RFX3: variants seen among roughly 807,000 people sequenced by gnomAD.
RFX3 encodes the protein transcription factor RFX3.
RFX3 carries 14 observed loss-of-function variants against 98.6 expected under a neutral mutation model. The observed-to-expected ratio is 0.14, with a 90% CI of 0.09 to 0.22. The LOEUF (loss-of-function observed/expected upper bound fraction) is 0.22, where lower values mean the gene tolerates loss of function less well. Among genes scored for constraint, RFX3 ranks in the 10% least tolerant of loss-of-function variants. The pLI is 1.00. For synonymous variants in RFX3, 383 were observed against 328.4 expected (o/e 1.17, Z -1.80); for missense variants, 639 against 926.9 (o/e 0.69, Z 4.03).
chr9:3,270,125 A>C (rs895826589), intron 11 of RFX3, among the ~76,000 whole-genome samples: 6 of 122,366 alleles, frequency 4.9e-5, no homozygotes, highest in Non-Finnish European at 9.8e-5. Context: ...AAAGAAAGAA[A>C]GGAAAGAAAG....
chr9:3,328,113 T>C (rs1041779656), intron 4 of RFX3, among the ~76,000 whole-genome samples: 4 of 152,068 alleles, frequency 2.6e-5, no homozygotes, highest in Non-Finnish European at 5.9e-5. Flanking sequence ...TTTCGAAGGA[T>C]GGTAGGTTAG....
intron 2 of RFX3, among the ~76,000 whole-genome samples, chr9:3,359,728 G>A (rs1355496572): frequency 6.6e-6 from 1 of 152,066 alleles, no homozygotes; most frequent in Non-Finnish European, 1.5e-5. Flanking sequence ...AAATGGGGAT[G>A]TGTATTTTTT....
chr9:3,522,611 C>T (rs569871201), intron 1 of RFX3, among the ~76,000 whole-genome samples: 1 of 150,898 alleles, frequency 6.6e-6, no homozygotes, highest in African/African-American at 2.4e-5. Flanking sequence ...ACATCTGCTG[C>T]TATGCCCACC....
chr9:3,370,514 G>A (rs550427114), intron 2 of RFX3, among the ~76,000 whole-genome samples: 1 of 151,602 alleles, frequency 6.6e-6, no homozygotes, highest in Non-Finnish European at 1.5e-5. Context: ...TATATAATCT[G>A]TGAATCAGAA....
At chr9:3,471,710 C>G (rs1033173649) in intron 1 of RFX3, among the ~76,000 whole-genome samples, 1 of 152,200 alleles carries the variant, frequency 6.6e-6, no homozygotes, top group Non-Finnish European at 1.5e-5. Flanking sequence ...TAGAAAAAAT[C>G]CTCCTTAAAT....
At chr9:3,228,966 A>T in intron 15 of RFX3, 77 bp from the exon 16 acceptor site, 1 of 1,253,434 alleles carries the variant, frequency 8.0e-7, no homozygotes, top group South Asian at 1.4e-5. Context: ...TGTAGTAAAA[A>T]TGCCAATCTA....
At chr9:3,445,085 T>A (rs991243418) in intron 1 of RFX3, among the ~76,000 whole-genome samples, 2 of 152,216 alleles carry the variant, frequency 1.3e-5, no homozygotes, top group African/African-American at 4.8e-5. Context: ...ACATTTTGAA[T>A]GGTTTAAAGT....
intron 1 of RFX3, among the ~76,000 whole-genome samples, chr9:3,406,336 CTT>C (rs1841970489): frequency 6.6e-6 from 1 of 151,836 alleles, no homozygotes; most frequent in Admixed American, 6.6e-5. Flanking sequence ...CTAATCTTCA[CTT>C]TGTCTTTCAG....
chr9:3,524,860 CACACACACACACACACA>C (rs1564205393), intron 1 of RFX3, among the ~76,000 whole-genome samples: 5 of 137,282 alleles, frequency 3.6e-5, no homozygotes, highest in African/African-American at 1.4e-4. Flanking sequence ...CACACACACA[CACACACACACACACACA>C]CCAAAGAAGA....
At position 3,221,402 on chromosome 9, in the gene RFX3, A is replaced by C. The variant is rs965933699; in HGVS notation, c.*3640T>G. 25 of 152,164 alleles carry C rather than the reference A, an allele frequency of 1.6e-4. No homozygotes were observed. The highest frequency in any genetic ancestry group is 6.0e-4 in the African/African-American group (25 of 41,462). 9.4% of individuals were successfully genotyped at this position (152,164 alleles called of 1,614,324 possible). ...AGAACGTATTCATTTTTACTTGTCTACTACAAATCAAAGGCAGTCAATGCT... is the reference window on the plus strand; with the variant it reads ...AGAACGTATTCATTTTTACTTGTCTCCTACAAATCAAAGGCAGTCAATGCT... On this transcript the variant is annotated 3_prime_UTR_variant, in exon 17 of 17. Coordinates refer to ENST00000617270, the MANE Select transcript of RFX3 (RefSeq NM_001282116.2).
intron 1 of RFX3, among the ~76,000 whole-genome samples, chr9:3,410,726 TTATC>T (rs1156695448): frequency 4.6e-5 from 7 of 152,262 alleles, no homozygotes; most frequent in Middle Eastern, 3.2e-3. Flanking sequence ...CATGTACTAT[TTATC>T]TACGCTAAAA....
chr9:3,373,212 G>C (rs986838260), intron 2 of RFX3, among the ~76,000 whole-genome samples: 3 of 152,104 alleles, frequency 2.0e-5, no homozygotes, highest in Non-Finnish European at 1.5e-5. Flanking sequence ...GACAGTGAGA[G>C]AGAATGGATG....
intron 1 of RFX3, among the ~76,000 whole-genome samples, chr9:3,426,502 C>CAGCAGGAGGTGAGCAAGAGGTG (rs1487975311): frequency 5.9e-5 from 9 of 152,114 alleles, no homozygotes; most frequent in African/African-American, 2.2e-4. Flanking sequence ...ACAGACCACA[C>CAGCAGGAGGTGAGCAAGAGGTG]AGCAGGAGGT....
intron 2 of RFX3, among the ~76,000 whole-genome samples, chr9:3,350,430 A>G (rs1479450794): frequency 6.6e-6 from 1 of 152,170 alleles, no homozygotes; most frequent in Non-Finnish European, 1.5e-5. Context: ...GCTAGCAGGG[A>G]TGTGAGAAAT....
chr9:3,406,923 A>G (rs924269177), intron 1 of RFX3, among the ~76,000 whole-genome samples: 1 of 152,166 alleles, frequency 6.6e-6, no homozygotes, highest in Non-Finnish European at 1.5e-5. Flanking sequence ...ACTCAAATGA[A>G]CGAATCAAGT....
intron 4 of RFX3, among the ~76,000 whole-genome samples, chr9:3,324,445 T>C (rs1395229670): frequency 6.6e-6 from 1 of 152,120 alleles, no homozygotes; most frequent in Non-Finnish European, 1.5e-5. Context: ...GTAAGATAGA[T>C]GGGCAATTCA....
chr9:3,255,472 T>C (rs2131086411), intron 14 of RFX3, among the ~76,000 whole-genome samples: 2 of 152,334 alleles, frequency 1.3e-5, no homozygotes, highest in Middle Eastern at 6.8e-3. Flanking sequence ...TTCTGATATG[T>C]GCATGGCTGC....
chr9:3,394,592 C>A (rs1287569985), intron 2 of RFX3, among the ~76,000 whole-genome samples: 1 of 152,208 alleles, frequency 6.6e-6, no homozygotes, highest in Non-Finnish European at 1.5e-5. Flanking sequence ...AAGAATATAA[C>A]CTTGCATCTA....
chr9:3,416,885 C>T (rs553999127), intron 1 of RFX3, among the ~76,000 whole-genome samples: 16 of 151,836 alleles, frequency 1.1e-4, no homozygotes, highest in East Asian at 5.8e-4. Flanking sequence ...TAAATCCAAC[C>T]GTATTAATAA....
Sources: gnomAD v4.1 joint callset for allele counts (sites outside exome capture counted in the v4.1 genomes callset) on GRCh38, gnomAD v4.1.1 for gene constraint, MANE v1.5 for transcripts, NCBI Gene and HGNC (gene_info 2026-07-23, HGNC 2026-07-21) for gene names.